The following SRF variants were observed in gnomAD, a reference collection of about 807,000 sequenced individuals.
The protein encoded by SRF is serum response factor.
SRF carries 7 observed loss-of-function variants against 37.1 expected under a neutral mutation model. The observed-to-expected ratio is 0.19, with a 90% CI of 0.11 to 0.35. The LOEUF (loss-of-function observed/expected upper bound fraction) is 0.35, where lower values mean the gene tolerates loss of function less well. Among genes scored for constraint, SRF ranks in the 10% least tolerant of loss-of-function variants. The pLI, the probability that SRF is intolerant of heterozygous loss-of-function variation, is 1.00. For missense variants in SRF, 395 were observed against 694.4 expected (o/e 0.57, Z 4.85); for synonymous variants, 285 against 310.1 (o/e 0.92, Z 0.85).
At position 43,172,103 on chromosome 6, in the gene SRF, G is replaced by A. The variant is rs1212628939; in HGVS notation, c.447G>A (p.Glu149=). 1.2e-6 allele frequency: 2 copies of A among 1,612,134 alleles called. No individual in the cohort carries two copies. Among genetic ancestry groups the A allele is most frequent in the Admixed American group, 1.7e-5 (1 of 59,992 alleles). ...GGGGCCGCGTGAAGATCAAGATGGA[G>A]TTCATCGACAACAAGCTGCGGCGCT... ...KTRGRVKIKM[E]FIDNKLRRYT... Residue 149 remains glutamate, a synonymous_variant, in exon 1 of 7, where the codon GAG becomes GAA. Transcript: ENST00000265354. The surrounding 1 kb of genome is among the most constrained non-coding windows in gnomAD (Gnocchi z 5.7).
rs1268597350 is a variant in SRF, at chr6:43,174,047, C to A, written c.714C>A (p.Ala238=). The A allele has an allele frequency of 1.6e-5, 26 of 1,614,208 alleles. No homozygotes were observed. Among genetic ancestry groups the A allele is most frequent in the Non-Finnish European group, 2.2e-5 (26 of 1,180,024 alleles). Residue 238 remains alanine (A), a synonymous_variant, in exon 2 of 7, where the codon GCC becomes GCA. Coordinates refer to ENST00000265354, the MANE Select transcript of SRF (RefSeq NM_003131.4). ...SDPTTDQRMS[A]TGFEETDLTY... Reference sequence around the variant, plus strand: ...CCACAACAGACCAGAGAATGAGTGCCACTGGCTTTGAAGAGACAGATCTCA... The same window carrying A: ...CCACAACAGACCAGAGAATGAGTGCAACTGGCTTTGAAGAGACAGATCTCA...
In SRF at chr6:43,181,151, C is replaced by T. The variant is rs1582260736; in HGVS notation, c.*1961C>T. ...AGGAGACCTTTGATGAATTCTTCCT[C>T]TCCTTCCCACAAAAGACAGACCCAG... On this transcript the variant is annotated 3_prime_UTR_variant, in exon 7 of 7. Coordinates refer to ENST00000265354, the MANE Select transcript of SRF (RefSeq NM_003131.4). 6.5e-6 allele frequency: 1 copy of T among 152,898 alleles called. No homozygotes were observed. The highest frequency in any genetic ancestry group is 3.4e-3 in the Middle Eastern group (1 of 294). The allele number at this position is 152,898 out of a possible 1,614,324, so 9.5% of individuals were successfully genotyped here.
chr6:43,171,571 C>T lies in SRF; in HGVS notation c.-86C>T, dbSNP rs1229906760. 4.3e-6 allele frequency: 5 copies of T among 1,160,632 alleles called. No homozygotes were observed. The highest frequency in any genetic ancestry group is 1.6e-5 in the African/African-American group (1 of 61,632). 71.9% of individuals were successfully genotyped at this position (1,160,632 alleles called of 1,614,324 possible). A position where few individuals can be genotyped will look rare whatever the true frequency, so the allele number is the denominator to read the frequency against. On this transcript the variant is annotated 5_prime_UTR_variant, in exon 1 of 7. Transcript: ENST00000265354. The surrounding 1 kb of genome is among the most constrained non-coding windows in gnomAD (Gnocchi z 6.5). ...GCGGCACTAGCAGCAGCGGGAGTGC[C>T]GGGTTGAGCCGGGAAGCCGATGGCG... is the stretch of plus-strand genomic sequence containing the variant.
In SRF at chr6:43,178,182, C is replaced by A; in HGVS notation, c.1163-112C>A. The A allele has an allele frequency of 8.9e-7, 1 of 1,129,870 alleles. No homozygotes were observed. Among genetic ancestry groups the A allele is most frequent in the Non-Finnish European group, 1.2e-6 (1 of 820,276 alleles). The allele number at this position is 1,129,870 out of a possible 1,614,324, so 70.0% of individuals were successfully genotyped here. A position where few individuals can be genotyped will look rare whatever the true frequency, so the allele number is the denominator to read the frequency against. ...GGAGCTGAGGAATAGTCGTGTCTAG[C>A]TTCTGACCTGGGAAATGGCAAGAGG... On this transcript the variant is annotated intron_variant, in intron 4 of 6. Transcript: ENST00000265354. The surrounding 1 kb of genome is among the most constrained non-coding windows in gnomAD (Gnocchi z 4.3).
Position 43,178,393 on chromosome 6 carries a change from C to T in SRF, c.1262C>T (p.Ser421Leu). The T allele has an allele frequency of 3.7e-6, 6 of 1,614,090 alleles. No individual in the cohort carries two copies. Among genetic ancestry groups the T allele is most frequent in the South Asian group, 1.1e-5 (1 of 91,090 alleles). The change falls in exon 5 of 7, where the codon TCG becomes TTG. Residue 421 changes from serine to leucine, a missense_variant. By Grantham distance (145) the Ser-to-Leu change is moderately radical (BLOSUM62 -2). Transcript: ENST00000265354. The surrounding 1 kb of genome is among the most constrained non-coding windows in gnomAD (Gnocchi z 4.3). ...SPHAVMYAPT[S>L]GLGDGSLTVL... is the part of the protein sequence containing the mutation. ...CATGCGGTGATGTATGCCCCCACCT[C>T]GGGCCTGGGTGATGGCAGCCTCACC...
At position 43,176,089 on chromosome 6, in the gene SRF, GC is replaced by G; in HGVS notation, c.1042+124del. 7.3e-7 allele frequency: 1 copy of G among 1,372,644 alleles called. No homozygotes were observed. Among genetic ancestry groups the G allele is most frequent in the Non-Finnish European group, 9.8e-7 (1 of 1,022,610 alleles). The allele number at this position is 1,372,644 out of a possible 1,614,324, so 85.0% of individuals were successfully genotyped here. ...CTGCTCAGAAGGAAGGTGAATAGGGGCCAGAGCCTGAGCGAAGCCTCTTATA... is the reference window on the plus strand; with the variant it reads ...CTGCTCAGAAGGAAGGTGAATAGGGGCAGAGCCTGAGCGAAGCCTCTTATA... On this transcript the variant is annotated intron_variant, in intron 3 of 6. Coordinates refer to ENST00000265354, the MANE Select transcript of SRF (RefSeq NM_003131.4). The surrounding 1 kb of genome is among the most constrained non-coding windows in gnomAD (Gnocchi z 4.0).
At position 43,178,781 on chromosome 6, in the gene SRF, T is replaced by G; in HGVS notation, c.1355-25T>G. 1 of 1,612,064 alleles carries G rather than the reference T, an allele frequency of 6.2e-7. No homozygotes were observed. The highest frequency in any genetic ancestry group is 8.5e-7 in the Non-Finnish European group (1 of 1,178,118). On this transcript the variant is annotated intron_variant, in intron 5 of 6. Coordinates refer to ENST00000265354, the MANE Select transcript of SRF (RefSeq NM_003131.4). This position sits in a 1 kb window ranked among gnomAD's most constrained non-coding sequence, Gnocchi z 4.3. ...TGGAAGTTTCAACAAACAATTTGAG[T>G]ATCTCCTGTGGTTTTCCAATGTAGG...
chr6:43,178,814 C>G lies in SRF; in HGVS notation c.1363C>G (p.Pro455Ala). 1 of 1,614,226 alleles carries G rather than the reference C, an allele frequency of 6.2e-7. No individual in the cohort carries two copies. Among genetic ancestry groups the G allele is most frequent in the Non-Finnish European group, 8.5e-7 (1 of 1,180,034 alleles). The part of the protein sequence containing the change: ...HSQVQEPGGV[P>A]QVFLTASSGT... Reference sequence around the variant, plus strand: ...GTGGTTTTCCAATGTAGGTGGCGTCCCCCAGGTGTTCCTGACAGCATCATC... The same window carrying G: ...GTGGTTTTCCAATGTAGGTGGCGTCGCCCAGGTGTTCCTGACAGCATCATC... The change falls in exon 6 of 7, where the codon CCC (proline) becomes GCC (alanine). Residue 455 changes from proline to alanine, a missense_variant. Pro to Ala is a conservative substitution (Grantham distance 27). This residue lies in a region of SRF where 232 missense variants were observed against 335.6 expected (regional missense o/e 0.69). Transcript: ENST00000265354. The surrounding 1 kb of genome is among the most constrained non-coding windows in gnomAD (Gnocchi z 4.3).
chr6:43,174,740 C>A (rs771607803), intron 2 of SRF, among the ~76,000 whole-genome samples: 7 of 152,222 alleles, frequency 4.6e-5, no homozygotes, highest in Non-Finnish European at 7.3e-5. Context: ...TGGGAGGAAG[C>A]GGCACTGTTT....
chr6:43,178,532 TATACACACACACACACACAC>T lies in SRF; in HGVS notation c.1354+59_1354+78del. 4.5e-6 allele frequency: 7 copies of T among 1,566,132 alleles called. No individual in the cohort carries two copies. The highest frequency in any genetic ancestry group is 6.1e-6 in the Non-Finnish European group (7 of 1,149,406). ...AGGAAAGGAGGACCGTTTCCTTCTTTATACACACACACACACACACATACACACACATATGCACTGATGCC... is the reference window on the plus strand; with the variant it reads ...AGGAAAGGAGGACCGTTTCCTTCTTTATACACACACATATGCACTGATGCC... On this transcript the variant is annotated intron_variant, in intron 5 of 6. Coordinates refer to ENST00000265354, the MANE Select transcript of SRF (RefSeq NM_003131.4). The surrounding 1 kb of genome is among the most constrained non-coding windows in gnomAD (Gnocchi z 4.3).
intron 4 of SRF, among the ~76,000 whole-genome samples, chr6:43,177,149 G>A (rs1159168433): frequency 6.6e-6 from 1 of 151,836 alleles, no homozygotes; most frequent in East Asian, 1.9e-4. Flanking sequence ...CCTATGGACT[G>A]GGAACACCAG....
Position 43,176,533 on chromosome 6 carries a change from C to T in SRF, c.1043-15C>T. ...TGGGTGGGACAGAGCACAAATAAGACTCTGTGTCTTGCAGGTGGGGCAGTG... is the reference window on the plus strand; with the variant it reads ...TGGGTGGGACAGAGCACAAATAAGATTCTGTGTCTTGCAGGTGGGGCAGTG... On this transcript the variant is annotated splice_polypyrimidine_tract_variant and intron_variant, in intron 3 of 6. Coordinates refer to ENST00000265354, the MANE Select transcript of SRF (RefSeq NM_003131.4). The surrounding 1 kb of genome is among the most constrained non-coding windows in gnomAD (Gnocchi z 4.0). The T allele has an allele frequency of 1.9e-6, 3 of 1,613,886 alleles. No homozygotes were observed. The highest frequency in any genetic ancestry group is 2.5e-6 in the Non-Finnish European group (3 of 1,179,860).
chr6:43,177,388 C>A (rs1772222408), intron 4 of SRF, among the ~76,000 whole-genome samples: 1 of 151,614 alleles, frequency 6.6e-6, no homozygotes, highest in Non-Finnish European at 1.5e-5. Context: ...CGCCACCACA[C>A]CTGGCTAATT....
rs1271809913 is a variant in SRF at position 43,173,162 on chromosome 6, G to A, written c.514-685G>A. Among the ~76,000 whole-genome samples the A allele has an allele frequency of 6.6e-6, 1 of 152,152 alleles. No individual in the cohort carries two copies. The highest frequency in any genetic ancestry group is 1.5e-5 in the Non-Finnish European group (1 of 68,022). ...TGAAGGTCCCCTTCCTGGGCTCATG[G>A]CAGGATGTTTAGTGCTAATCTAGGT... On this transcript the variant is annotated intron_variant, in intron 1 of 6. Coordinates refer to ENST00000265354, the MANE Select transcript of SRF (RefSeq NM_003131.4). The surrounding 1 kb of genome is among the most constrained non-coding windows in gnomAD (Gnocchi z 4.2).
In SRF at chr6:43,172,477, G is replaced by T. The variant is rs1772127462; in HGVS notation, c.513+308G>T. On this transcript the variant is annotated intron_variant, in intron 1 of 6. Transcript: ENST00000265354. The surrounding 1 kb of genome is among the most constrained non-coding windows in gnomAD (Gnocchi z 5.7). The stretch of plus-strand genomic sequence containing the variant: ...GTGAGGAGCGGTGATGGGAGGCTAC[G>T]AGGCTGCCGGGGAGGTGGATAATGA... The T allele has an allele frequency of 1.0e-6, 1 of 985,024 alleles. No homozygotes were observed. Among genetic ancestry groups the T allele is most frequent in the African/African-American group, 1.7e-5 (1 of 57,344 alleles). The allele number at this position is 985,024 out of a possible 1,614,324, so 61.0% of individuals were successfully genotyped here. A position where few individuals can be genotyped will look rare whatever the true frequency, so the allele number is the denominator to read the frequency against.
rs1404750569 is a variant in SRF, at chr6:43,178,554, TACAC to T, written c.1354+75_1354+78del. On this transcript the variant is annotated intron_variant, in intron 5 of 6. Transcript: ENST00000265354. This position sits in a 1 kb window ranked among gnomAD's most constrained non-coding sequence, Gnocchi z 4.3. ...CTTTATACACACACACACACACACA[TACAC>T]ACACATATGCACTGATGCCTACAAA... 15 of 1,272,908 alleles carry T rather than the reference TACAC, an allele frequency of 1.2e-5. No individual in the cohort carries two copies. In the African/African-American group the frequency reaches 2.5e-4, roughly 21 times the overall value. The allele number at this position is 1,272,908 out of a possible 1,614,324, so 78.9% of individuals were successfully genotyped here.
chr6:43,173,283 T>A lies in SRF; in HGVS notation c.514-564T>A, dbSNP rs1335442874. 6.6e-6 allele frequency among the ~76,000 whole-genome samples: 1 copy of A among 152,068 alleles called. No individual in the cohort carries two copies. Among genetic ancestry groups the A allele is most frequent in the African/African-American group, 2.4e-5 (1 of 41,400 alleles). On this transcript the variant is annotated intron_variant, in intron 1 of 6. Coordinates refer to ENST00000265354, the MANE Select transcript of SRF (RefSeq NM_003131.4). The surrounding 1 kb of genome is among the most constrained non-coding windows in gnomAD (Gnocchi z 4.2). ...GTGGGGGGAGGTAATTAAGGAAAAC[T>A]CTCTTCTCTCCTTCCATAACCTTCT...
rs775108603 is a variant in SRF at position 43,178,880 on chromosome 6, C to A, written c.1429C>A (p.Gln477Lys). The A allele has an allele frequency of 2.0e-5, 33 of 1,614,026 alleles. No individual in the cohort carries two copies. The highest frequency in any genetic ancestry group is 2.5e-5 in the Non-Finnish European group (30 of 1,179,974). Residue 477 changes from glutamine to lysine, a missense_variant and splice_region_variant, in exon 6 of 7, where the codon CAG (glutamine) becomes AAG (lysine). Transcript: ENST00000265354. The surrounding 1 kb of genome is among the most constrained non-coding windows in gnomAD (Gnocchi z 4.3). ...CCCTGTTTCAGCAGTTCAGCTCCAC[C>A]AGGTAGGTAGGGATATCTTTCACCC... is the stretch of plus-strand genomic sequence containing the variant. The part of the protein sequence containing the change: ...QIPVSAVQLH[Q>K]MAVIGQQAGS...
rs116488658 is a variant in SRF at position 43,178,586 on chromosome 6, T to G, written c.1354+101T>G. The G allele has an allele frequency of 9.9e-4, 1,429 of 1,438,474 alleles. 9 individuals carry two copies. The African/African-American group carries it at 0.018, about 18-fold the overall frequency. The allele number at this position is 1,438,474 out of a possible 1,614,324, so 89.1% of individuals were successfully genotyped here. On this transcript the variant is annotated intron_variant, in intron 5 of 6. Coordinates refer to ENST00000265354, the MANE Select transcript of SRF (RefSeq NM_003131.4). This position sits in a 1 kb window ranked among gnomAD's most constrained non-coding sequence, Gnocchi z 4.3. ...ACATATGCACTGATGCCTACAAATATTTCTACCCAAATACAACACAGACTT... is the reference window on the plus strand; with the variant it reads ...ACATATGCACTGATGCCTACAAATAGTTCTACCCAAATACAACACAGACTT...
Sources: gnomAD v4.1 joint callset for allele counts (sites outside exome capture counted in the v4.1 genomes callset) on GRCh38, gnomAD v4.1.1 for gene constraint, gnomAD v4.1.1 regional missense constraint, Gnocchi (gnomAD v3.1) non-coding constraint, MANE v1.5 for transcripts, NCBI Gene and HGNC (gene_info 2026-07-23, HGNC 2026-07-21) for gene names.